The following TMX3 variants were observed in gnomAD, a reference collection of about 807,000 sequenced individuals.
TMX3 encodes the protein thioredoxin related transmembrane protein 3.
A neutral mutation model predicts 64.4 loss-of-function variants in TMX3; 40 were observed. The observed-to-expected ratio is 0.62, with a 90% CI of 0.48 to 0.81. The LOEUF is 0.81. TMX3 is among the 30% of genes least tolerant of loss of function. The pLI, the probability that TMX3 is intolerant of heterozygous loss-of-function variation, is 0.00. For missense variants in TMX3, 497 were observed against 534.5 expected (o/e 0.93, Z 0.69); for synonymous variants, 189 against 175.7 (o/e 1.08, Z -0.60).
In TMX3 at chr18:68,684,240, C is replaced by G. The variant is rs1179081342; in HGVS notation, c.798G>C (p.Leu266Phe). Residue 266 changes from leucine (L) to phenylalanine (F), a missense_variant, in exon 12 of 16, where the codon TTG (leucine) becomes TTC (phenylalanine). Physicochemically the swap from Leu to Phe is conservative, Grantham distance 22 (BLOSUM62 0). Transcript: ENST00000299608. ...EKNTSVEHTR[L>F]KSIIQEVARD... ...TTGCAACTTCCTGAATAATTGACTT[C>G]AATCTGTAGAAGAACAAACATATGA... The G allele has an allele frequency of 6.2e-7, 1 of 1,611,254 alleles. No individual in the cohort carries two copies. The highest frequency in any genetic ancestry group is 1.1e-5 in the South Asian group (1 of 90,814).
At chr18:68,696,652 T>A (rs1915103926) in intron 8 of TMX3, among the ~76,000 whole-genome samples, 1 of 151,846 alleles carries the variant, frequency 6.6e-6, no homozygotes. Flanking sequence ...AGTTTTTGTA[T>A]TTTTAGTAGA....
intron 8 of TMX3, 45 bp from the exon 9 acceptor site, chr18:68,691,406 T>C (rs767186114): frequency 2.4e-6 from 3 of 1,267,282 alleles, no homozygotes; most frequent in Admixed American, 2.6e-5. Flanking sequence ...ACTAAAAAAT[T>C]CTAATTAGTA....
rs309228 is a variant in TMX3, at chr18:68,691,166, G to T, written c.637+129C>A. 75,587 of 506,102 alleles carry T rather than the reference G, an allele frequency of 0.15. 8,508 individuals are homozygous for T. The highest frequency in any genetic ancestry group is 0.44 in the African/African-American group (22,147 of 50,274). The allele number at this position is 506,102 out of a possible 1,614,324, so 31.4% of individuals were successfully genotyped here. On this transcript the variant is annotated intron_variant, in intron 9 of 15. Transcript: ENST00000299608. ...GGTGAAAAAAAACCCAAAACATCAG[G>T]CATTCAAGTCATGAGAACTGTTATT...
intron 14 of TMX3, among the ~76,000 whole-genome samples, chr18:68,680,678 T>A (rs1317775445): frequency 1.3e-5 from 2 of 152,126 alleles, no homozygotes; most frequent in Non-Finnish European, 2.9e-5. Context: ...CTTCCTAGCA[T>A]CCCTAAGCCT....
intron 8 of TMX3, among the ~76,000 whole-genome samples, chr18:68,696,322 C>T (rs891530540): frequency 2.6e-5 from 4 of 151,418 alleles, no homozygotes; most frequent in East Asian, 2.0e-4. Context: ...TACAGGCGTG[C>T]GCCACCACAC....
At chr18:68,682,549 G>C (rs968663549) in intron 13 of TMX3, among the ~76,000 whole-genome samples, 3 of 151,940 alleles carry the variant, frequency 2.0e-5, no homozygotes, top group Non-Finnish European at 2.9e-5. Context: ...TCCAATTCTA[G>C]AACAATTAGT....
At chr18:68,702,754 T>C (rs942504249) in intron 4 of TMX3, among the ~76,000 whole-genome samples, 1 of 152,204 alleles carries the variant, frequency 6.6e-6, no homozygotes, top group African/African-American at 2.4e-5. Context: ...AATTCCAATT[T>C]AACAATCACT....
chr18:68,681,894 T>C (rs746494223), intron 13 of TMX3, among the ~76,000 whole-genome samples: 3 of 152,172 alleles, frequency 2.0e-5, no homozygotes, highest in Non-Finnish European at 4.4e-5. Context: ...AAGCCCAGTT[T>C]TCCTACTACC....
Position 68,693,700 on chromosome 18 carries a change from T to A in TMX3, c.571-2339A>T, listed in dbSNP as rs147159302. Among the ~76,000 whole-genome samples, 71 of 152,134 alleles carry A rather than the reference T, an allele frequency of 4.7e-4. 1 individual carries two copies. The highest frequency in any genetic ancestry group is 4.3e-4 in the Non-Finnish European group (29 of 67,998). On this transcript the variant is annotated intron_variant, in intron 8 of 15. Transcript: ENST00000299608. ...AGCCTGGGTGCCATAGACGGTATGATGATGACGGCGGGAGTCAGACAGGTT... is the reference window on the plus strand; with the variant it reads ...AGCCTGGGTGCCATAGACGGTATGAAGATGACGGCGGGAGTCAGACAGGTT...
intron 6 of TMX3, among the ~76,000 whole-genome samples, chr18:68,699,379 A>G (rs1490903653): frequency 1.3e-5 from 2 of 151,898 alleles, no homozygotes; most frequent in African/African-American, 4.8e-5. Context: ...TCCCGCTAGC[A>G]CTCCCCTCAT....
At chr18:68,691,094 T>C (rs1343371423) in intron 9 of TMX3, 1 of 401,266 alleles carries the variant, frequency 2.5e-6, no homozygotes. Context: ...AAGAATGTTG[T>C]GTAGGTAAAG....
chr18:68,675,031 T>C lies in TMX3; in HGVS notation c.*1902A>G, dbSNP rs1912812291. 6.6e-6 allele frequency: 1 copy of C among 152,138 alleles called. No individual in the cohort carries two copies. Among genetic ancestry groups the C allele is most frequent in the South Asian group, 2.1e-4 (1 of 4,836 alleles). 9.4% of individuals were successfully genotyped at this position (152,138 alleles called of 1,614,324 possible). A position where few individuals can be genotyped will look rare whatever the true frequency, so the allele number is the denominator to read the frequency against. ...GATCAACAAGACAAAAATATGTAAA[T>C]GACTAATTATAAATATGAAAAAATT... On this transcript the variant is annotated 3_prime_UTR_variant, in exon 16 of 16. Coordinates refer to ENST00000299608, the MANE Select transcript of TMX3 (RefSeq NM_019022.5).
At chr18:68,679,601 T>C in intron 14 of TMX3, 70 bp from the exon 15 acceptor site, 3 of 1,370,324 alleles carry the variant, frequency 2.2e-6, no homozygotes, top group Non-Finnish European at 3.0e-6. Context: ...TTACATAACC[T>C]TACAATTGCA....
chr18:68,684,043 C>T, intron 12 of TMX3, 147 bp downstream of exon 12: 2 of 658,902 alleles, frequency 3.0e-6, no homozygotes, highest in South Asian at 3.8e-5. Flanking sequence ...TGGAATGTAT[C>T]TCCTGTGGAT....
In TMX3 at chr18:68,698,015, G is replaced by T. The variant is rs1015347615; in HGVS notation, c.409C>A (p.Leu137Ile). 3 of 1,611,194 alleles carry T rather than the reference G, an allele frequency of 1.9e-6. No homozygotes were observed. Among genetic ancestry groups the T allele is most frequent in the Non-Finnish European group, 2.5e-6 (3 of 1,179,510 alleles). Residue 137 changes from leucine to isoleucine, a missense_variant, in exon 7 of 16, where the codon CTT becomes ATT. Coordinates refer to ENST00000299608, the MANE Select transcript of TMX3 (RefSeq NM_019022.5). ...TGTTCAAACATTTGTTGACTTGGAA[G>T]TGGCCGAATTAGAGCCCTGTTGCAC... ...HRVSGALIRP[L>I]PSQQMFEHMQ...
intron 6 of TMX3, among the ~76,000 whole-genome samples, chr18:68,700,060 C>A (rs1375431962): frequency 2.0e-5 from 3 of 152,074 alleles, no homozygotes; most frequent in Non-Finnish European, 4.4e-5. Flanking sequence ...CTGAACCAGG[C>A]AGTCCAAAAG....
chr18:68,702,175 C>CA (rs375234012), intron 4 of TMX3, among the ~76,000 whole-genome samples: 16,832 of 43,944 alleles, frequency 0.38, 4,742 homozygotes, highest in East Asian at 0.52. Flanking sequence ...TTACTCCTCT[C>CA]AAAAAAAAAA....
At chr18:68,687,866 T>C in intron 9 of TMX3, 101 bp from the exon 10 acceptor site, 1 of 743,500 alleles carries the variant, frequency 1.3e-6, no homozygotes, top group Non-Finnish European at 2.1e-6. Flanking sequence ...TGACAGAGAA[T>C]CATACTTCCA....
At chr18:68,691,427 CA>C in intron 8 of TMX3, 66 bp from the exon 9 acceptor site, 1 of 1,098,324 alleles carries the variant, frequency 9.1e-7, no homozygotes, top group South Asian at 2.0e-5. Context: ...ACTATAATTT[CA>C]AAAGTCTTGA....
Sources: gnomAD v4.1 joint callset for allele counts (sites outside exome capture counted in the v4.1 genomes callset) on GRCh38, gnomAD v4.1.1 for gene constraint, MANE v1.5 for transcripts, NCBI Gene and HGNC (gene_info 2026-07-23, HGNC 2026-07-21) for gene names.